ATL2: variants seen among roughly 807,000 people sequenced by gnomAD.
ATL2 encodes the protein atlastin GTPase 2, also known as atlastin-2.
In ATL2, 31 loss-of-function variants were observed where a neutral mutation model predicts 73.9. That is an observed-to-expected ratio of 0.42 (90% CI 0.32 to 0.57). The LOEUF is 0.57. Among genes scored for constraint, ATL2 ranks in the 20% least tolerant of loss-of-function variants. ATL2 has a pLI of 0.14. For missense variants in ATL2, 738 were observed against 702.6 expected (o/e 1.05, Z -0.57); for synonymous variants, 291 against 237.5 (o/e 1.23, Z -2.07).
chr2:38,377,454 C>T (rs561141764), upstream of ATL2, among the ~76,000 whole-genome samples: 665 of 150,316 alleles, frequency 4.4e-3, 3 homozygotes, highest in African/African-American at 0.015. Context: ...CCGCCCATCG[C>T]TCGCTCGCTC....
At chr2:38,341,515 G>A (rs193202430) in intron 2 of ATL2, among the ~76,000 whole-genome samples, 1 of 152,226 alleles carries the variant, frequency 6.6e-6, no homozygotes, top group Admixed American at 6.5e-5. Flanking sequence ...GTGCATGCCT[G>A]TAGTGCCAGC....
At chr2:38,300,621 T>C (rs1667136174) in intron 9 of ATL2, among the ~76,000 whole-genome samples, 1 of 152,164 alleles carries the variant, frequency 6.6e-6, no homozygotes, top group Non-Finnish European at 1.5e-5. Flanking sequence ...TTACCCCCTA[T>C]TGCCAGTGTT....
chr2:38,372,690 T>C (rs1671755971), intron 1 of ATL2, among the ~76,000 whole-genome samples: 1 of 152,250 alleles, frequency 6.6e-6, no homozygotes, highest in African/African-American at 2.4e-5. Context: ...TGTTAATAAC[T>C]GAACAAACAC....
At chr2:38,306,937 T>A (rs1210806375) in intron 9 of ATL2, among the ~76,000 whole-genome samples, 1 of 152,164 alleles carries the variant, frequency 6.6e-6, no homozygotes, top group African/African-American at 2.4e-5. Flanking sequence ...CAATAAATGG[T>A]GCTGGGAAAA....
At chr2:38,301,973 T>C (rs1481772861) in intron 9 of ATL2, among the ~76,000 whole-genome samples, 1 of 152,178 alleles carries the variant, frequency 6.6e-6, no homozygotes, top group Non-Finnish European at 1.5e-5. Context: ...GAGGACTTTG[T>C]CTTGCAATTT....
At position 38,299,300 on chromosome 2, in the gene ATL2, C is replaced by A; in HGVS notation, c.1156G>T (p.Ala386Ser). The change falls in exon 11 of 13, where the codon GCA becomes TCA. Residue 386 changes from alanine to serine, a missense_variant. Physicochemically the swap from Ala to Ser is moderately conservative, Grantham distance 99. Coordinates refer to ENST00000378954, the MANE Select transcript of ATL2 (RefSeq NM_001135673.4). ...QATAEANNLA[A>S]VAGARDTYCK... ...TAGGTATCTCTTGCTCCTGCTACTG[C>A]AGCAAGATTATTAGCTTCAGCTGTT... is the stretch of plus-strand genomic sequence containing the variant. 6.6e-7 allele frequency: 1 copy of A among 1,511,120 alleles called. No individual in the cohort carries two copies. The allele number at this position is 1,511,120 out of a possible 1,614,324, so 93.6% of individuals were successfully genotyped here.
chr2:38,370,661 G>C (rs1671634620), intron 1 of ATL2, among the ~76,000 whole-genome samples: 1 of 152,028 alleles, frequency 6.6e-6, no homozygotes, highest in African/African-American at 2.4e-5. Context: ...CAGCTACTTG[G>C]GAGGCTGGGG....
intron 1 of ATL2, among the ~76,000 whole-genome samples, chr2:38,366,605 C>T (rs902676471): frequency 3.9e-5 from 6 of 152,224 alleles, no homozygotes; most frequent in African/African-American, 1.4e-4. Flanking sequence ...AAGCCTCCCT[C>T]TTCCATGAAG....
chr2:38,298,369 G>C lies in ATL2; in HGVS notation c.1407C>G (p.Phe469Leu). The change falls in exon 12 of 13, where the codon TTC (phenylalanine) becomes TTG (leucine). Residue 469 changes from phenylalanine to leucine, a missense_variant. Transcript: ENST00000378954. ...FIKHNDGKNI[F>L]YAARTPATLF... ...GTGTGGCTGGGGTACGAGCAGCATA[G>C]AAGATATTTTTGCCATCATTGTGCT... The C allele has an allele frequency of 6.2e-7, 1 of 1,614,168 alleles. No homozygotes were observed.
intron 1 of ATL2, among the ~76,000 whole-genome samples, chr2:38,374,283 A>C (rs1201643035): frequency 6.6e-6 from 1 of 152,228 alleles, no homozygotes; most frequent in Non-Finnish European, 1.5e-5. Context: ...AAAACTACTA[A>C]AGTAATGAAT....
upstream of ATL2, chr2:38,377,362 C>T (rs1672051559): frequency 2.0e-6 from 2 of 1,003,228 alleles, no homozygotes; most frequent in Non-Finnish European, 2.9e-6. Context: ...CCTAGCGCCG[C>T]TCTCCGCCTG....
In ATL2 at chr2:38,318,595, C is replaced by A; in HGVS notation, c.543G>T (p.Gln181His). Reference sequence around the variant, plus strand: ...CCGTTGCACAGTCTTTGATAGTTGACTGGCTATCAAAGGCACCCTGGGTAT... The same window carrying A: ...CCGTTGCACAGTCTTTGATAGTTGAATGGCTATCAAAGGCACCCTGGGTAT... Reference protein sequence around the residue: ...LMDTQGAFDSQSTIKDCATVF... With the variant: ...LMDTQGAFDSHSTIKDCATVF... The change falls in exon 4 of 13, where the codon CAG (glutamine) becomes CAT (histidine). Residue 181 changes from glutamine (Q) to histidine (H), a missense_variant. Physicochemically the swap from Gln to His is conservative, Grantham distance 24 (BLOSUM62 0). Transcript: ENST00000378954. 1 of 1,612,744 alleles carries A rather than the reference C, an allele frequency of 6.2e-7. No homozygotes were observed. Among genetic ancestry groups the A allele is most frequent in the Non-Finnish European group, 8.5e-7 (1 of 1,179,698 alleles).
intron 1 of ATL2, among the ~76,000 whole-genome samples, chr2:38,365,166 A>AC (rs1553342171): frequency 5.7e-5 from 7 of 123,754 alleles, no homozygotes; most frequent in African/African-American, 2.5e-4. Context: ...CACACACACA[A>AC]ATACACACAC....
At chr2:38,374,981 C>A (rs1470780301) in intron 1 of ATL2, among the ~76,000 whole-genome samples, 2 of 152,204 alleles carry the variant, frequency 1.3e-5, no homozygotes, top group Non-Finnish European at 2.9e-5. Flanking sequence ...CTACTTCTCC[C>A]TAAATAATTT....
intron 2 of ATL2, among the ~76,000 whole-genome samples, chr2:38,336,960 CAACT>C (rs1669392820): frequency 6.6e-6 from 1 of 152,118 alleles, no homozygotes; most frequent in Non-Finnish European, 1.5e-5. Context: ...TCTCTAGATT[CAACT>C]AACAACTTAC....
At chr2:38,365,192 TAC>T (rs760433688) in intron 1 of ATL2, among the ~76,000 whole-genome samples, 4 of 134,694 alleles carry the variant, frequency 3.0e-5, no homozygotes, top group Non-Finnish European at 3.3e-5. Context: ...CACACACAAA[TAC>T]ACACACACAC....
rs564168927 is a variant in ATL2, at chr2:38,313,055, C to T, written c.804+96G>A. 1.3e-4 allele frequency: 99 copies of T among 771,150 alleles called. No homozygotes were observed. The Middle Eastern group carries it at 1.9e-3, about 15-fold the overall frequency. 47.8% of individuals were successfully genotyped at this position (771,150 alleles called of 1,614,324 possible). A position where few individuals can be genotyped will look rare whatever the true frequency, so the allele number is the denominator to read the frequency against. On this transcript the variant is annotated intron_variant, in intron 7 of 12. Coordinates refer to ENST00000378954, the MANE Select transcript of ATL2 (RefSeq NM_001135673.4). The stretch of plus-strand genomic sequence containing the variant: ...AACCTGGAATACTTTATTCCAACGA[C>T]ACGTAAATACTGGTAATGTGACCAG...
chr2:38,315,320 A>T lies in ATL2; in HGVS notation c.618T>A (p.Ser206=). The stretch of plus-strand genomic sequence containing the variant: ...GAAGATCATCTTCTTGAATATTCTG[A>T]GACAGATTATATACCTGTTGAAACA... ...MTSSVQVYNL[S]QNIQEDDLQH... is the part of the protein sequence containing the mutation. Residue 206 remains serine, a synonymous_variant, in exon 5 of 13, where the codon TCT becomes TCA. Transcript: ENST00000378954. 1.3e-6 allele frequency: 2 copies of T among 1,497,890 alleles called. No homozygotes were observed. Among genetic ancestry groups the T allele is most frequent in the Non-Finnish European group, 1.8e-6 (2 of 1,133,884 alleles). The allele number at this position is 1,497,890 out of a possible 1,614,324, so 92.8% of individuals were successfully genotyped here.
rs569786360 is a variant in ATL2, at chr2:38,315,338, T to A, written c.604-4A>T. On this transcript the variant is annotated splice_polypyrimidine_tract_variant and splice_region_variant and intron_variant, in intron 4 of 12. Coordinates refer to ENST00000378954, the MANE Select transcript of ATL2 (RefSeq NM_001135673.4). Reference sequence around the variant, plus strand: ...TATTCTGAGACAGATTATATACCTGTTGAAACAAAATTTATTTTGTTTTTT... The same window carrying A: ...TATTCTGAGACAGATTATATACCTGATGAAACAAAATTTATTTTGTTTTTT... 24 of 1,500,726 alleles carry A rather than the reference T, an allele frequency of 1.6e-5. No homozygotes were observed. In the South Asian group the frequency reaches 2.9e-4, roughly 18 times the overall value. The allele number at this position is 1,500,726 out of a possible 1,614,324, so 93.0% of individuals were successfully genotyped here.
Sources: gnomAD v4.1 joint callset for allele counts (sites outside exome capture counted in the v4.1 genomes callset) on GRCh38, gnomAD v4.1.1 for gene constraint, MANE v1.5 for transcripts, NCBI Gene and HGNC (gene_info 2026-07-23, HGNC 2026-07-21) for gene names.